SORL1: variants seen among roughly 807,000 people sequenced by gnomAD.
The protein encoded by SORL1 is sortilin related receptor 1, also known as sortilin-related receptor.
Under a neutral mutation model 273.7 loss-of-function variants are expected in SORL1, and 127 were observed. That is an observed-to-expected ratio of 0.46 (90% confidence interval 0.40 to 0.54). SORL1 has a LOEUF of 0.54. Ranked by LOEUF, SORL1 falls within the 20% of genes least tolerant of loss-of-function variation. The pLI is 0.00. For synonymous variants in SORL1, 1,031 were observed against 1,067.4 expected, an observed-to-expected ratio of 0.97 and a Z score of 0.66; for missense variants, 2,494 against 2,846.1, an observed-to-expected ratio of 0.88 and a Z score of 2.81.
rs1419810284 is a variant in SORL1, at chr11:121,555,315, T to G, written c.2568T>G (p.Ile856Met). Reference protein sequence around the residue: ...LYWVDAGFKKIEVANPDGDFR... With the variant: ...LYWVDAGFKKMEVANPDGDFR... Reference sequence around the variant, plus strand: ...GGGTAGATGCAGGCTTCAAAAAGATTGAGGTATGTGTATTTTCGTGCTGTT... The same window carrying G: ...GGGTAGATGCAGGCTTCAAAAAGATGGAGGTATGTGTATTTTCGTGCTGTT... Residue 856 changes from isoleucine to methionine, a missense_variant, in exon 18 of 48, where the codon ATT (isoleucine) becomes ATG (methionine). Physicochemically the swap from Ile to Met is conservative, Grantham distance 10. This residue lies in a region of SORL1 where 1,609 missense variants were observed against 1,816.4 expected (regional missense o/e 0.89). Transcript: ENST00000260197. The G allele has an allele frequency of 6.2e-7, 1 of 1,613,714 alleles. No homozygotes were observed. Among genetic ancestry groups the G allele is most frequent in the South Asian group, 1.1e-5 (1 of 91,076 alleles).
chr11:121,567,384 T>C (rs1490568026), intron 22 of SORL1, among the ~76,000 whole-genome samples: 2 of 152,244 alleles, frequency 1.3e-5, no homozygotes, highest in Admixed American at 6.5e-5. Flanking sequence ...TCATGTCAGA[T>C]GGCACAGGCT....
intron 3 of SORL1, among the ~76,000 whole-genome samples, chr11:121,483,546 T>C (rs1250201154): frequency 6.6e-6 from 1 of 152,206 alleles, no homozygotes; most frequent in African/African-American, 2.4e-5. Context: ...GGAAACAGCT[T>C]TTAACCAAAG....
intron 11 of SORL1, among the ~76,000 whole-genome samples, chr11:121,523,959 C>T (rs915393667): frequency 6.6e-6 from 1 of 152,186 alleles, no homozygotes; most frequent in Non-Finnish European, 1.5e-5. Context: ...TCATTTGGCA[C>T]CTTGCAGTTC....
chr11:121,627,617 A>C lies in SORL1; in HGVS notation c.6427A>C (p.Ile2143Leu). The C allele has an allele frequency of 6.2e-7, 1 of 1,614,198 alleles. No homozygotes were observed. Among genetic ancestry groups the C allele is most frequent in the Non-Finnish European group, 8.5e-7 (1 of 1,180,030 alleles). The change falls in exon 47 of 48, where the codon ATC becomes CTC. Residue 2143 changes from isoleucine (I) to leucine (L), a missense_variant. By Grantham distance (5) the Ile-to-Leu change is conservative. This residue lies in a region of SORL1 where 1,609 missense variants were observed against 1,816.4 expected (regional missense o/e 0.89). Transcript: ENST00000260197. The surrounding 1 kb of genome is among the most constrained non-coding windows in gnomAD (Gnocchi z 4.9). ...GGATGTTGCTGCTGTGGTGGTGCCC[A>C]TCTTATTCCTGATACTGCTGAGCCT... is the stretch of plus-strand genomic sequence containing the variant. ...STDVAAVVVP[I>L]LFLILLSLGV...
At chr11:121,524,207 T>C (rs1862085235) in intron 11 of SORL1, among the ~76,000 whole-genome samples, 1 of 152,278 alleles carries the variant, frequency 6.6e-6, no homozygotes, top group African/African-American at 2.4e-5. Context: ...TTCGTGGAGC[T>C]GGACGCTCCC....
intron 5 of SORL1, among the ~76,000 whole-genome samples, chr11:121,494,464 G>A (rs1040258591): frequency 2.6e-5 from 4 of 152,202 alleles, no homozygotes; most frequent in Non-Finnish European, 4.4e-5. Context: ...AAGACCTGGA[G>A]GGGGCTGAGG....
intron 5 of SORL1, among the ~76,000 whole-genome samples, chr11:121,494,253 G>C (rs1019854631): frequency 6.6e-6 from 1 of 152,170 alleles, no homozygotes; most frequent in East Asian, 1.9e-4. Context: ...TGAAGCTAAT[G>C]ACATGTCGGT....
At chr11:121,586,937 G>A (rs1449127615) in intron 27 of SORL1, among the ~76,000 whole-genome samples, 2 of 152,154 alleles carry the variant, frequency 1.3e-5, no homozygotes, top group Non-Finnish European at 2.9e-5. Context: ...CTACTGTGCA[G>A]TCCGGGTTGA....
chr11:121,576,899 G>A, intron 24 of SORL1: 1 of 1,535,660 alleles, frequency 6.5e-7, no homozygotes, highest in Non-Finnish European at 8.7e-7. Flanking sequence ...GTGTCTGTAG[G>A]AGTCCTCTGT....
At chr11:121,584,696 A>G (rs1863067670) in intron 26 of SORL1, among the ~76,000 whole-genome samples, 1 of 152,044 alleles carries the variant, frequency 6.6e-6, no homozygotes, top group Non-Finnish European at 1.5e-5. Context: ...GGCGCAAGGC[A>G]TCTTCCTACT....
intron 40 of SORL1, 85 bp downstream of exon 40, chr11:121,612,917 T>A: frequency 1.0e-6 from 1 of 968,954 alleles, no homozygotes; most frequent in South Asian, 1.4e-5. Context: ...TGACTGGGGG[T>A]GCCAGGGAAG....
intron 12 of SORL1, 96 bp downstream of exon 12, chr11:121,532,648 G>T: frequency 6.1e-6 from 6 of 982,888 alleles, no homozygotes; most frequent in South Asian, 1.5e-5. Context: ...GCACTATGTT[G>T]TTGACAGCAC....
Position 121,589,281 on chromosome 11 carries a change from G to A in SORL1, c.3969G>A (p.Lys1323=). The A allele has an allele frequency of 6.2e-7, 1 of 1,613,488 alleles. No homozygotes were observed. Reference sequence around the variant, plus strand: ...TAGCCCAAGATCCTGAGTTCCACAAGGTATGTGATGAGTTCGGTTTCCAGT... The same window carrying A: ...TAGCCCAAGATCCTGAGTTCCACAAAGTATGTGATGAGTTCGGTTTCCAGT... ...AGCSQDPEFH[K]VCDEFGFQCQ... is the part of the protein sequence containing the mutation. Residue 1323 remains lysine (K), a synonymous_variant, in exon 29 of 48, where the codon AAG becomes AAA. Transcript: ENST00000260197.
intron 5 of SORL1, among the ~76,000 whole-genome samples, chr11:121,494,868 A>G (rs553359983): frequency 6.6e-6 from 1 of 152,272 alleles, no homozygotes; most frequent in African/African-American, 2.4e-5. Flanking sequence ...TTTAATTTGC[A>G]TATCCTCTGG....
At chr11:121,582,663 C>T (rs1193330779) in intron 25 of SORL1, among the ~76,000 whole-genome samples, 2 of 152,216 alleles carry the variant, frequency 1.3e-5, no homozygotes, top group African/African-American at 2.4e-5. Context: ...TCATGTTTAA[C>T]AGTGACTCTC....
In SORL1 at chr11:121,514,434, TTTCGGAAACC is replaced by T. The variant is rs1382989764; in HGVS notation, c.1211+114_1211+123del. On this transcript the variant is annotated intron_variant, in intron 8 of 47. Coordinates refer to ENST00000260197, the MANE Select transcript of SORL1 (RefSeq NM_003105.6). Reference sequence around the variant, plus strand: ...GCCCATGTGGATACACCCGGGGAGCTTTCGGAAACCCGATGCCTGGCTCACGTGCGCAGAG... The same window carrying T: ...GCCCATGTGGATACACCCGGGGAGCTCGATGCCTGGCTCACGTGCGCAGAG... 15 of 1,082,210 alleles carry T rather than the reference TTTCGGAAACC, an allele frequency of 1.4e-5. 1 individual carries two copies. The Admixed American group carries it at 4.3e-4, about 31-fold the overall frequency. 67.0% of individuals were successfully genotyped at this position (1,082,210 alleles called of 1,614,324 possible). A position where few individuals can be genotyped will look rare whatever the true frequency, so the allele number is the denominator to read the frequency against.
chr11:121,497,837 G>A (rs930907604), intron 6 of SORL1, among the ~76,000 whole-genome samples: 3 of 152,192 alleles, frequency 2.0e-5, no homozygotes, highest in African/African-American at 7.2e-5. Flanking sequence ...GAAGGCCTTT[G>A]CTAACTGGGA....
rs1318243912 is a variant in SORL1, at chr11:121,470,081, G to A, written c.360G>A (p.Leu120=). Residue 120 remains leucine (L), a synonymous_variant, in exon 2 of 48, where the codon TTG becomes TTA. Coordinates refer to ENST00000260197, the MANE Select transcript of SORL1 (RefSeq NM_003105.6). The stretch of plus-strand genomic sequence containing the variant: ...AGAAAAGCAACGTGATCGTGGCCTT[G>A]GCCCGAGATAGCCTGGCATTGGCGA... ...AGEKSNVIVA[L]ARDSLALARP... The A allele has an allele frequency of 1.9e-6, 3 of 1,614,150 alleles. No individual in the cohort carries two copies. The South Asian group carries it at 3.3e-5, about 18-fold the overall frequency.
chr11:121,475,053 T>A (rs1861241742), intron 2 of SORL1, among the ~76,000 whole-genome samples: 2 of 152,264 alleles, frequency 1.3e-5, no homozygotes, highest in South Asian at 4.2e-4. Context: ...GCTTAGGAGT[T>A]GGAGACCAGC....
Sources: allele counts gnomAD v4.1 joint callset (sites outside exome capture counted in the v4.1 genomes callset), GRCh38; gene constraint gnomAD v4.1.1; regional missense constraint gnomAD v4.1.1; non-coding constraint Gnocchi (gnomAD v3.1); transcripts MANE v1.5; gene names NCBI Gene and HGNC (gene_info 2026-07-23, HGNC 2026-07-21).